The following LCORL variants were observed in gnomAD, a reference collection of about 807,000 sequenced individuals.
The protein encoded by LCORL is ligand dependent nuclear receptor corepressor like, also known as ligand-dependent nuclear receptor corepressor-like protein.
Under a neutral mutation model 141.8 loss-of-function variants are expected in LCORL, and 41 were observed. The observed-to-expected ratio is 0.29, with a 90% confidence interval of 0.23 to 0.38. LCORL has a LOEUF of 0.38. Ranked by LOEUF, LCORL falls within the 10% of genes least tolerant of loss-of-function variation. The pLI, the probability that LCORL is intolerant of heterozygous loss-of-function variation, is 1.00. For synonymous variants in LCORL, 618 were observed against 694.1 expected (o/e 0.89, Z 1.72); for missense variants, 1,759 against 2,035.0 (o/e 0.86, Z 2.61).
rs547701758 is a variant in LCORL at position 17,905,712 on chromosome 4, T to C, written c.682+3382A>G. ...CTACATCATTTATGGATAGATTATC[T>C]ATTGGATTTATGGATTGTCATCTAA... On this transcript the variant is annotated intron_variant, in intron 5 of 7. Coordinates refer to ENST00000635767, the Ensembl canonical transcript of LCORL. 2.0e-5 allele frequency among the ~76,000 whole-genome samples: 3 copies of C among 152,236 alleles called. No individual in the cohort carries two copies. In the South Asian group the frequency reaches 6.2e-4, roughly 32 times the overall value.
chr4:17,947,025 T>C (rs1265018831), intron 4 of LCORL, among the ~76,000 whole-genome samples: 3 of 152,028 alleles, frequency 2.0e-5, no homozygotes, highest in Non-Finnish European at 4.4e-5. Flanking sequence ...ACCCAAAAGA[T>C]TTGAAATCAG....
At chr4:17,886,931 C>A (rs1311095349) in intron 5 of LCORL, among the ~76,000 whole-genome samples, 5 of 151,984 alleles carry the variant, frequency 3.3e-5, no homozygotes, top group Non-Finnish European at 7.4e-5. Context: ...TAAAACCCAG[C>A]AAAGAATTCC....
chr4:18,002,988 C>A (rs1179831804), intron 1 of LCORL, among the ~76,000 whole-genome samples: 1 of 152,162 alleles, frequency 6.6e-6, no homozygotes, highest in Non-Finnish European at 1.5e-5. Context: ...TCCCAATTAG[C>A]AACAGAAAAA....
rs191907053 is a variant in LCORL, at chr4:17,931,629, T to A, written c.431-22284A>T. ...GGTAAATAAGACTTTTAAAATGTTT[T>A]GTTATTGATGTCCATCTTTATTGCA... On this transcript the variant is annotated intron_variant, in intron 4 of 7. Coordinates refer to ENST00000635767, the Ensembl canonical transcript of LCORL. Among the ~76,000 whole-genome samples the A allele has an allele frequency of 3.1e-3, 469 of 152,248 alleles. 5 individuals carry two copies. Among genetic ancestry groups the A allele is most frequent in the Non-Finnish European group, 3.6e-3 (248 of 67,982 alleles).
At chr4:17,983,714 C>A (rs189317733) in intron 1 of LCORL, among the ~76,000 whole-genome samples, 1 of 152,106 alleles carries the variant, frequency 6.6e-6, no homozygotes, top group Non-Finnish European at 1.5e-5. Flanking sequence ...TATCATCAGA[C>A]AAGTATAGTT....
At chr4:18,000,144 C>A (rs1577694287) in intron 1 of LCORL, among the ~76,000 whole-genome samples, 2 of 101,656 alleles carry the variant, frequency 2.0e-5, no homozygotes, top group African/African-American at 5.1e-5. Context: ...TTTTTTTTTG[C>A]ACTGAAAGAG....
chr4:18,006,267 A>G (rs1298770652), intron 1 of LCORL, among the ~76,000 whole-genome samples: 2 of 152,094 alleles, frequency 1.3e-5, no homozygotes, highest in African/African-American at 4.8e-5. Context: ...TCCCCATCTG[A>G]TACCACCTCA....
chr4:17,905,690 C>T (rs1454691749), intron 5 of LCORL, among the ~76,000 whole-genome samples: 1 of 152,060 alleles, frequency 6.6e-6, no homozygotes, highest in Non-Finnish European at 1.5e-5. Flanking sequence ...AATGTATCTA[C>T]ATCATTTATG....
chr4:17,892,209 CTTTT>C (rs1018422638), intron 5 of LCORL, among the ~76,000 whole-genome samples: 9 of 126,502 alleles, frequency 7.1e-5, no homozygotes, highest in African/African-American at 2.3e-4. Flanking sequence ...TTTTTTTTTT[CTTTT>C]TTTTTTTTTT....
chr4:18,018,226 T>A (rs1356594613), intron 1 of LCORL, among the ~76,000 whole-genome samples: 1 of 152,180 alleles, frequency 6.6e-6, no homozygotes. Context: ...AATTATATTA[T>A]ACATTTCATA....
At chr4:17,897,841 A>G (rs1730231875) in intron 5 of LCORL, among the ~76,000 whole-genome samples, 1 of 152,148 alleles carries the variant, frequency 6.6e-6, no homozygotes, top group Non-Finnish European at 1.5e-5. Flanking sequence ...TCCTAGTCCA[A>G]ACCTGAAGTC....
At chr4:17,872,854 T>G (rs1726515412) in intron 7 of LCORL, among the ~76,000 whole-genome samples, 1 of 152,158 alleles carries the variant, frequency 6.6e-6, no homozygotes, top group Non-Finnish European at 1.5e-5. Context: ...TAAAGTGAGC[T>G]CCAAATGACA....
chr4:17,893,586 G>A lies in LCORL; in HGVS notation c.683-7425C>T, dbSNP rs921465391. 3.1e-5 allele frequency: 31 copies of A among 985,168 alleles called. No individual in the cohort carries two copies. The African/African-American group carries it at 5.2e-4, about 17-fold the overall frequency. The allele number at this position is 985,168 out of a possible 1,614,324, so 61.0% of individuals were successfully genotyped here. ...CACAGGAGCACCTGCAGATAGCTCT[G>A]GGTGGAAGAATACAGGAAAATTGTT... On this transcript the variant is annotated intron_variant, in intron 5 of 7. Coordinates refer to ENST00000635767, the Ensembl canonical transcript of LCORL.
At chr4:17,993,686 G>A (rs923311541) in intron 1 of LCORL, among the ~76,000 whole-genome samples, 1 of 152,170 alleles carries the variant, frequency 6.6e-6, no homozygotes, top group African/African-American at 2.4e-5. Flanking sequence ...ACCATGGAAA[G>A]TCTTGAAGAA....
chr4:17,849,111 C>T (rs1723309762), intron 7 of LCORL, among the ~76,000 whole-genome samples: 1 of 152,246 alleles, frequency 6.6e-6, no homozygotes, highest in Non-Finnish European at 1.5e-5. Flanking sequence ...AGGGCACAGA[C>T]AAACAAAAAG....
rs566996264 is a variant in LCORL, at chr4:17,966,463, T to C, written c.221-3414A>G. 2.8e-4 allele frequency among the ~76,000 whole-genome samples: 43 copies of C among 152,250 alleles called. No homozygotes were observed. In the South Asian group the frequency reaches 3.1e-3, roughly 11 times the overall value. On this transcript the variant is annotated intron_variant, in intron 2 of 7. Coordinates refer to ENST00000635767, the Ensembl canonical transcript of LCORL. ...CTACCAAATCTCACACAAGGTAAGA[T>C]AGATAACCTCAACAGCCCTGTATCT... is the stretch of plus-strand genomic sequence containing the variant.
chr4:17,978,128 C>T (rs1374413796), intron 1 of LCORL, among the ~76,000 whole-genome samples: 2 of 152,148 alleles, frequency 1.3e-5, no homozygotes, highest in Admixed American at 1.3e-4. Context: ...GGTTCTACTT[C>T]TACTGATGTT....
intron 4 of LCORL, among the ~76,000 whole-genome samples, chr4:17,948,153 C>G (rs1739176073): frequency 6.6e-6 from 1 of 151,852 alleles, no homozygotes. Context: ...ATATGAACAC[C>G]TGCATGGTCG....
chr4:17,953,656 C>T (rs760350220), intron 4 of LCORL, among the ~76,000 whole-genome samples: 1 of 152,152 alleles, frequency 6.6e-6, no homozygotes, highest in Admixed American at 6.5e-5. Flanking sequence ...CGTTGAAAGG[C>T]CATCATGATT....
Sources: gnomAD v4.1 joint callset for allele counts (sites outside exome capture counted in the v4.1 genomes callset) on GRCh38, gnomAD v4.1.1 for gene constraint, MANE v1.5 for transcripts, NCBI Gene and HGNC (gene_info 2026-07-23, HGNC 2026-07-21) for gene names.